Variants in ROBO2 observed in about 807,000 individuals in gnomAD.
ROBO2 encodes the protein roundabout guidance receptor 2.
A neutral mutation model predicts 160.8 loss-of-function variants in ROBO2; 53 were observed. The observed-to-expected ratio is 0.33, with a 90% confidence interval of 0.26 to 0.41. The LOEUF (loss-of-function observed/expected upper bound fraction) is 0.41. Ranked by LOEUF, ROBO2 falls within the 10% of genes least tolerant of loss-of-function variation. The pLI is 1.00. For missense variants in ROBO2, 1,577 were observed against 1,722.4 expected, an observed-to-expected ratio of 0.92 and a Z score of 1.49; for synonymous variants, 664 against 611.7, an observed-to-expected ratio of 1.09 and a Z score of -1.26.
chr3:77,446,453 A>G (rs1158446113), intron 2 of ROBO2, among the ~76,000 whole-genome samples: 1 of 152,124 alleles, frequency 6.6e-6, no homozygotes. Flanking sequence ...TTAATTTCTC[A>G]TTGCACCCAA....
chr3:77,351,544 T>C (rs1354197334), intron 2 of ROBO2, among the ~76,000 whole-genome samples: 2 of 152,102 alleles, frequency 1.3e-5, no homozygotes, highest in Non-Finnish European at 2.9e-5. Context: ...AAGGGTTCCT[T>C]GGTTGAGAAT....
chr3:77,435,506 A>C (rs1457039098), intron 2 of ROBO2, among the ~76,000 whole-genome samples: 1 of 151,944 alleles, frequency 6.6e-6, no homozygotes, highest in Non-Finnish European at 1.5e-5. Context: ...AGGTTTAACA[A>C]TTTCAAATTT....
intron 2 of ROBO2, among the ~76,000 whole-genome samples, chr3:76,056,518 C>A (rs2067853155): frequency 6.8e-6 from 1 of 148,092 alleles, no homozygotes; most frequent in African/African-American, 2.5e-5. Context: ...AGAAAAAAAA[C>A]CCATTCACTT....
intron 2 of ROBO2, among the ~76,000 whole-genome samples, chr3:76,821,591 A>G (rs1043979010): frequency 8.6e-5 from 13 of 152,036 alleles, no homozygotes; most frequent in Non-Finnish European, 1.6e-4. Flanking sequence ...GAGGGACTTT[A>G]AAGTAAATAT....
intron 2 of ROBO2, among the ~76,000 whole-genome samples, chr3:77,476,875 T>C (rs909095112): frequency 1.3e-5 from 2 of 152,166 alleles, no homozygotes; most frequent in Admixed American, 1.3e-4. Flanking sequence ...TGGGTGCTAG[T>C]GTGCTGCAAG....
In ROBO2 at chr3:76,218,067, G is replaced by A. The variant is rs150649074; in HGVS notation, c.109+280465G>A. 9.5e-3 allele frequency among the ~76,000 whole-genome samples: 1,452 copies of A among 152,232 alleles called. 27 individuals are homozygous for A. The highest frequency in any genetic ancestry group is 0.032 in the African/African-American group (1,344 of 41,522). The stretch of plus-strand genomic sequence containing the variant: ...ACAGAACCAAAGACAAAAACCAGAT[G>A]ATTATCTCAATAGATGCAAAAAAGA... On this transcript the variant is annotated intron_variant, in intron 2 of 26. Coordinates refer to the ROBO2 transcript ENST00000487694.
At chr3:76,374,136 C>T (rs1214767583) in intron 2 of ROBO2, among the ~76,000 whole-genome samples, 2 of 151,704 alleles carry the variant, frequency 1.3e-5, no homozygotes, top group Non-Finnish European at 2.9e-5. Flanking sequence ...AACTTGTATT[C>T]AATATATGGA....
intron 2 of ROBO2, among the ~76,000 whole-genome samples, chr3:75,948,634 G>A (rs957578093): frequency 1.1e-4 from 16 of 152,094 alleles, no homozygotes; most frequent in African/African-American, 3.9e-4. Flanking sequence ...CAGGCACCAC[G>A]CTGCAGGGGA....
chr3:77,485,020 C>T (rs1347122296), intron 4 of ROBO2, among the ~76,000 whole-genome samples: 2 of 152,146 alleles, frequency 1.3e-5, no homozygotes, highest in African/African-American at 2.4e-5. Flanking sequence ...AAGTCCCCTT[C>T]ACTACAGTCT....
chr3:77,100,060 G>T (rs915972743), intron 2 of ROBO2, among the ~76,000 whole-genome samples: 2 of 151,934 alleles, frequency 1.3e-5, no homozygotes, highest in African/African-American at 2.4e-5. Flanking sequence ...TATAAAAATT[G>T]ACCTGTCATT....
chr3:76,717,067 G>GT (rs1294824241), intron 2 of ROBO2, among the ~76,000 whole-genome samples: 3 of 152,142 alleles, frequency 2.0e-5, no homozygotes, highest in African/African-American at 4.8e-5. Context: ...GATATCTGGC[G>GT]TAAGTTTTGT....
chr3:75,941,629 A>G lies in ROBO2; in HGVS notation c.109+4027A>G, dbSNP rs572018371. 6.3e-3 allele frequency among the ~76,000 whole-genome samples: 965 copies of G among 152,302 alleles called. 11 individuals carry two copies. The highest frequency in any genetic ancestry group is 0.022 in the African/African-American group (935 of 41,570). On this transcript the variant is annotated intron_variant, in intron 2 of 26. Transcript: ENST00000487694. Reference sequence around the variant, plus strand: ...ACAACTGTAGGAAACTTAAATTTTGAGGACAATTTAATTTAACTTCCATTT... The same window carrying G: ...ACAACTGTAGGAAACTTAAATTTTGGGGACAATTTAATTTAACTTCCATTT...
intron 2 of ROBO2, among the ~76,000 whole-genome samples, chr3:77,112,227 T>A (rs1340128159): frequency 1.6e-4 from 11 of 68,618 alleles, no homozygotes; most frequent in South Asian, 1.1e-3. Flanking sequence ...AGGAGAAAGA[T>A]CAAGGAGTTT....
At chr3:77,506,913 G>C (rs1009393209) in intron 5 of ROBO2, among the ~76,000 whole-genome samples, 1 of 152,008 alleles carries the variant, frequency 6.6e-6, no homozygotes, top group Non-Finnish European at 1.5e-5. Flanking sequence ...ATCATAATTT[G>C]GTTTGATATA....
chr3:76,177,048 A>C (rs1046683767), intron 2 of ROBO2, among the ~76,000 whole-genome samples: 1 of 152,122 alleles, frequency 6.6e-6, no homozygotes, highest in African/African-American at 2.4e-5. Flanking sequence ...GAAAACAATA[A>C]AAAAATTGTT....
intron 2 of ROBO2, among the ~76,000 whole-genome samples, chr3:77,301,816 A>G (rs2062681596): frequency 6.6e-6 from 1 of 152,020 alleles, no homozygotes; most frequent in Non-Finnish European, 1.5e-5. Flanking sequence ...AAGCTCCCCA[A>G]TTTTGTTACA....
intron 2 of ROBO2, among the ~76,000 whole-genome samples, chr3:77,383,283 G>A (rs1250781106): frequency 6.6e-6 from 1 of 151,996 alleles, no homozygotes; most frequent in Admixed American, 6.6e-5. Flanking sequence ...AAAAGCCAAA[G>A]TTTAGACACA....
chr3:77,272,115 C>A (rs1386074375), intron 2 of ROBO2, among the ~76,000 whole-genome samples: 1 of 152,140 alleles, frequency 6.6e-6, no homozygotes, highest in Non-Finnish European at 1.5e-5. Context: ...GTCTGATCGT[C>A]TTAAACCCAT....
At chr3:77,304,262 T>C (rs2062903428) in intron 2 of ROBO2, among the ~76,000 whole-genome samples, 1 of 152,192 alleles carries the variant, frequency 6.6e-6, no homozygotes, top group African/African-American at 2.4e-5. Context: ...GTATAACGCA[T>C]GTGCATATTT....
Sources: allele counts gnomAD v4.1 joint callset (sites outside exome capture counted in the v4.1 genomes callset), GRCh38; gene constraint gnomAD v4.1.1; transcripts MANE v1.5; gene names NCBI Gene and HGNC (gene_info 2026-07-23, HGNC 2026-07-21).